The following CGRRF1 variants were observed in gnomAD, a reference collection of about 807,000 sequenced individuals.
CGRRF1 encodes cell growth regulator with ring finger domain 1.
CGRRF1 carries 32 observed loss-of-function variants against 37.2 expected under a neutral mutation model. The observed-to-expected ratio is 0.86, with a 90% CI of 0.65 to 1.16. The LOEUF (loss-of-function observed/expected upper bound fraction) is 1.16. Among genes scored for constraint, CGRRF1 ranks in the 50% most tolerant of loss-of-function variants. CGRRF1 has a pLI of 0.00. For synonymous variants in CGRRF1, 141 were observed against 140.3 expected (o/e 1.00, Z -0.04); for missense variants, 391 against 382.6 (o/e 1.02, Z -0.18).
chr14:54,530,266 A>C (rs771192018), intron 3 of CGRRF1, 40 bp downstream of exon 3: 1 of 1,491,620 alleles, frequency 6.7e-7, no homozygotes, highest in Non-Finnish European at 9.2e-7. Flanking sequence ...ACTGAAAATT[A>C]GACTTCTTAT....
chr14:54,513,820 G>GC (rs2032171557), intron 1 of CGRRF1, among the ~76,000 whole-genome samples: 1 of 152,100 alleles, frequency 6.6e-6, no homozygotes, highest in Non-Finnish European at 1.5e-5. Flanking sequence ...AGAAAAATTA[G>GC]CCAGGCATGG....
intron 4 of CGRRF1, among the ~76,000 whole-genome samples, chr14:54,534,711 A>G (rs1312916369): frequency 6.6e-6 from 1 of 152,048 alleles, no homozygotes; most frequent in Non-Finnish European, 1.5e-5. Flanking sequence ...TTATGTATGT[A>G]TGTGTGTATT....
Position 54,538,565 on chromosome 14 carries a change from CT to C in CGRRF1, c.*183del, listed in dbSNP as rs2032639607. 6.5e-6 allele frequency: 3 copies of C among 463,852 alleles called. No individual in the cohort carries two copies. The South Asian group carries it at 1.3e-4, about 20-fold the overall frequency. 28.7% of individuals were successfully genotyped at this position (463,852 alleles called of 1,614,324 possible). Reference sequence around the variant, plus strand: ...TTCCTTTCTGCTTAGTGAATGAATACTGGAATCCATCTGTGTTGATACATAA... The same window carrying C: ...TTCCTTTCTGCTTAGTGAATGAATACGGAATCCATCTGTGTTGATACATAA... On this transcript the variant is annotated 3_prime_UTR_variant, in exon 6 of 6. Transcript: ENST00000216420.
intron 4 of CGRRF1, among the ~76,000 whole-genome samples, chr14:54,534,847 C>T (rs191531458): frequency 3.9e-5 from 6 of 152,082 alleles, no homozygotes; most frequent in Middle Eastern, 3.4e-3. Context: ...CCTGAGTAAC[C>T]GGGCCAACAG....
In CGRRF1 at chr14:54,538,830, CTTCT is replaced by C. The variant is rs1162776114; in HGVS notation, c.*450_*453del. ...GTTTATACAAAGGAGTTGGAATGAG[CTTCT>C]TTAGATCTTTTCCTGAAATAACAGC... On this transcript the variant is annotated 3_prime_UTR_variant, in exon 6 of 6. Transcript: ENST00000216420. The C allele has an allele frequency of 1.3e-5, 2 of 154,316 alleles. No individual in the cohort carries two copies. The highest frequency in any genetic ancestry group is 4.8e-5 in the African/African-American group (2 of 41,456). 9.6% of individuals were successfully genotyped at this position (154,316 alleles called of 1,614,324 possible). A position where few individuals can be genotyped will look rare whatever the true frequency, so the allele number is the denominator to read the frequency against.
chr14:54,524,293 T>C (rs2032372556), intron 2 of CGRRF1, among the ~76,000 whole-genome samples: 1 of 152,030 alleles, frequency 6.6e-6, no homozygotes, highest in Non-Finnish European at 1.5e-5. Flanking sequence ...TGCCTCTAAC[T>C]CTCAGAATCT....
intron 1 of CGRRF1, among the ~76,000 whole-genome samples, chr14:54,515,228 A>G (rs1004965167): frequency 6.6e-6 from 1 of 151,508 alleles, no homozygotes; most frequent in South Asian, 2.1e-4. Flanking sequence ...AGCTGGGACT[A>G]CAGGTGTGCA....
chr14:54,513,566 T>TTTATG (rs150170270), intron 1 of CGRRF1, among the ~76,000 whole-genome samples: 4,371 of 146,642 alleles, frequency 0.03, 75 homozygotes, highest in East Asian at 0.039. Flanking sequence ...TGGACACAGT[T>TTTATG]TTATGTTATG....
intron 4 of CGRRF1, among the ~76,000 whole-genome samples, chr14:54,531,636 C>T (rs1274286109): frequency 6.6e-6 from 1 of 152,042 alleles, no homozygotes; most frequent in South Asian, 2.1e-4. Context: ...CATCAAAGTC[C>T]CTGCTGCACC....
intron 3 of CGRRF1, 56 bp downstream of exon 3, chr14:54,530,282 A>C (rs1449985692): frequency 7.0e-7 from 1 of 1,429,246 alleles, no homozygotes; most frequent in South Asian, 1.3e-5. Context: ...CTTATGGATA[A>C]AGTGTTGCTA....
chr14:54,537,394 T>C (rs185275871), intron 4 of CGRRF1: 231 of 160,764 alleles, frequency 1.4e-3, no homozygotes, highest in African/African-American at 5.3e-3. Context: ...TAAAAGACTG[T>C]TTAATACTGA....
At chr14:54,510,712 A>G (rs1027544789) in intron 1 of CGRRF1, among the ~76,000 whole-genome samples, 4 of 152,226 alleles carry the variant, frequency 2.6e-5, no homozygotes, top group Non-Finnish European at 5.9e-5. Flanking sequence ...GGAGACAAGG[A>G]GAATGGTCTG....
chr14:54,522,664 T>C, intron 2 of CGRRF1, 71 bp downstream of exon 2: 1 of 1,368,936 alleles, frequency 7.3e-7, no homozygotes, highest in Admixed American at 2.4e-5. Flanking sequence ...ATTTTCTTTC[T>C]CTATTTCTTT....
At chr14:54,519,631 G>A (rs1002926105) in intron 1 of CGRRF1, among the ~76,000 whole-genome samples, 2 of 152,072 alleles carry the variant, frequency 1.3e-5, no homozygotes, top group African/African-American at 2.4e-5. Flanking sequence ...TATAAACCTG[G>A]CTCTGGCCCT....
intron 1 of CGRRF1, 72 bp from the exon 2 acceptor site, chr14:54,522,382 C>T: frequency 9.0e-7 from 1 of 1,110,084 alleles, no homozygotes; most frequent in Non-Finnish European, 1.2e-6. Context: ...TAATGAAGCA[C>T]AACAGATTTT....
chr14:54,532,796 C>T (rs1390415921), intron 4 of CGRRF1, among the ~76,000 whole-genome samples: 3 of 151,938 alleles, frequency 2.0e-5, no homozygotes, highest in Non-Finnish European at 2.9e-5. Context: ...TGCACCTTAG[C>T]GTGCATGAGA....
intron 4 of CGRRF1, among the ~76,000 whole-genome samples, chr14:54,535,581 T>C (rs2032588045): frequency 6.6e-6 from 1 of 152,194 alleles, no homozygotes; most frequent in African/African-American, 2.4e-5. Context: ...CAAGGTGTTA[T>C]CTAATTTCTC....
At chr14:54,533,600 T>TA (rs2032554338) in intron 4 of CGRRF1, among the ~76,000 whole-genome samples, 1 of 152,114 alleles carries the variant, frequency 6.6e-6, no homozygotes, top group Non-Finnish European at 1.5e-5. Flanking sequence ...TTTTTCAGTA[T>TA]TGTATGTGCG....
chr14:54,515,147 G>A (rs1185510229), intron 1 of CGRRF1, among the ~76,000 whole-genome samples: 3 of 146,752 alleles, frequency 2.0e-5, no homozygotes, highest in Non-Finnish European at 4.5e-5. Flanking sequence ...GGAGTGCAGT[G>A]GTATGATCTC....
Sources: allele counts gnomAD v4.1 joint callset (sites outside exome capture counted in the v4.1 genomes callset), GRCh38; gene constraint gnomAD v4.1.1; transcripts MANE v1.5; gene names NCBI Gene and HGNC (gene_info 2026-07-23, HGNC 2026-07-21).